The following ZFHX3 variants were observed in gnomAD, a reference collection of about 807,000 sequenced individuals.
ZFHX3 encodes the protein zinc finger homeobox 3, also known as zinc finger homeobox protein 3.
Under a neutral mutation model 279.1 loss-of-function variants are expected in ZFHX3, and 42 were observed. That is an observed-to-expected ratio of 0.15 (90% CI 0.12 to 0.19). The LOEUF (loss-of-function observed/expected upper bound fraction) is 0.19. Among genes scored for constraint, ZFHX3 ranks in the 10% least tolerant of loss-of-function variants. The pLI, the probability that ZFHX3 is intolerant of heterozygous loss-of-function variation, is 1.00. For missense variants in ZFHX3, 4,981 were observed against 4,754.0 expected, an observed-to-expected ratio of 1.05 and a Z score of -1.40; for synonymous variants, 2,293 against 1,957.8, an observed-to-expected ratio of 1.17 and a Z score of -4.52.
At chr16:73,019,381 C>CGT (rs1242839837) in intron 1 of ZFHX3, among the ~76,000 whole-genome samples, 1 of 151,918 alleles carries the variant, frequency 6.6e-6, no homozygotes, top group Non-Finnish European at 1.5e-5. Context: ...TGTGCGTGTG[C>CGT]GTGTCTGCAC....
At chr16:72,945,670 C>T (rs1054205055) in intron 3 of ZFHX3, among the ~76,000 whole-genome samples, 1 of 151,594 alleles carries the variant, frequency 6.6e-6, no homozygotes, top group Non-Finnish European at 1.5e-5. Context: ...TTAAAACAAA[C>T]AAAAAAAATA....
At chr16:72,842,638 G>A (rs774624778) in intron 4 of ZFHX3, among the ~76,000 whole-genome samples, 1 of 152,048 alleles carries the variant, frequency 6.6e-6, no homozygotes, top group African/African-American at 2.4e-5. Flanking sequence ...GGAGGAGGTC[G>A]GAGGAAGGAG....
chr16:73,129,234 A>G (rs1966629690), intron 7 of ZFHX3, among the ~76,000 whole-genome samples: 1 of 152,032 alleles, frequency 6.6e-6, no homozygotes, highest in African/African-American at 2.4e-5. Flanking sequence ...CTAAAAATAC[A>G]AAAATTAGCC....
At chr16:73,550,429 C>A (rs796409660) in intron 2 of ZFHX3, among the ~76,000 whole-genome samples, 6 of 152,300 alleles carry the variant, frequency 3.9e-5, no homozygotes, top group African/African-American at 1.4e-4. Context: ...CAGTGTGAGG[C>A]TGGCCTTTGG....
At chr16:73,273,880 C>A (rs189778275) in intron 4 of ZFHX3, among the ~76,000 whole-genome samples, 1 of 152,182 alleles carries the variant, frequency 6.6e-6, no homozygotes, top group African/African-American at 2.4e-5. Context: ...CGGTGGCTCA[C>A]GCCTGTAATC....
At chr16:73,039,914 T>C (rs1304204004) in intron 1 of ZFHX3, among the ~76,000 whole-genome samples, 1 of 151,976 alleles carries the variant, frequency 6.6e-6, no homozygotes, top group African/African-American at 2.4e-5. Flanking sequence ...AGCTCGGAAC[T>C]GGTCATAAGT....
intron 3 of ZFHX3, among the ~76,000 whole-genome samples, chr16:72,910,959 C>T (rs796096806): frequency 1.3e-4 from 20 of 152,254 alleles, no homozygotes; most frequent in African/African-American, 4.1e-4. Flanking sequence ...TCCCTGGGTC[C>T]GAATGTGAAA....
intron 7 of ZFHX3, among the ~76,000 whole-genome samples, chr16:73,121,567 T>C (rs1966499411): frequency 6.6e-6 from 1 of 152,100 alleles, no homozygotes. Flanking sequence ...TCTTTCATGA[T>C]ATGTTCTTAC....
At chr16:72,984,679 A>G (rs191223549) in intron 1 of ZFHX3, among the ~76,000 whole-genome samples, 21 of 151,976 alleles carry the variant, frequency 1.4e-4, no homozygotes, top group Admixed American at 5.9e-4. Context: ...TTAGAGGTCA[A>G]TGTTATAGGT....
At chr16:73,810,572 A>G (rs892437951) in intron 1 of ZFHX3, among the ~76,000 whole-genome samples, 2 of 152,208 alleles carry the variant, frequency 1.3e-5, no homozygotes, top group African/African-American at 4.8e-5. Context: ...AAGCGCTTTC[A>G]CACATTCATT....
At chr16:73,365,687 C>T (rs2016516937) in intron 3 of ZFHX3, among the ~76,000 whole-genome samples, 1 of 152,192 alleles carries the variant, frequency 6.6e-6, no homozygotes, top group African/African-American at 2.4e-5. Context: ...GATCCTTAAA[C>T]GTGGGCACAG....
intron 2 of ZFHX3, among the ~76,000 whole-genome samples, chr16:73,673,827 C>CT (rs2052927445): frequency 6.6e-6 from 1 of 152,062 alleles, no homozygotes; most frequent in Non-Finnish European, 1.5e-5. Context: ...GGCAGTGAAG[C>CT]TCCATGAAAA....
intron 4 of ZFHX3, among the ~76,000 whole-genome samples, 166 bp downstream of exon 4, chr16:72,889,565 C>T (rs1026743350): frequency 2.0e-5 from 3 of 151,844 alleles, no homozygotes; most frequent in Non-Finnish European, 4.4e-5. Context: ...AGGCAACAAT[C>T]CCTGCATGTT....
chr16:72,836,896 C>G (rs1026780373), intron 4 of ZFHX3, among the ~76,000 whole-genome samples: 5 of 152,134 alleles, frequency 3.3e-5, no homozygotes, highest in Non-Finnish European at 7.3e-5. Flanking sequence ...GGCAGGGGCT[C>G]TACAGCTGGA....
chr16:73,424,595 T>TTGGTGAGGCA (rs1013155761), intron 3 of ZFHX3, among the ~76,000 whole-genome samples: 1 of 150,834 alleles, frequency 6.6e-6, no homozygotes, highest in African/African-American at 2.4e-5. Flanking sequence ...AAATGAAAAA[T>TTGGTGAGGCA]TGGTGAGGCA....
intron 3 of ZFHX3, among the ~76,000 whole-genome samples, chr16:72,891,960 A>G (rs2038784064): frequency 1.3e-5 from 2 of 152,194 alleles, no homozygotes; most frequent in South Asian, 4.1e-4. Context: ...ATCCTTGTCC[A>G]GCTTAGAATG....
intron 5 of ZFHX3, among the ~76,000 whole-genome samples, chr16:72,823,286 G>C (rs1189308982): frequency 6.6e-6 from 1 of 152,196 alleles, no homozygotes; most frequent in Non-Finnish European, 1.5e-5. Context: ...ATTTACTTTT[G>C]GGTGAGGTGG....
intron 2 of ZFHX3, among the ~76,000 whole-genome samples, chr16:73,475,519 CT>C (rs1567495099): frequency 6.6e-6 from 1 of 151,858 alleles, no homozygotes; most frequent in African/African-American, 2.4e-5. Flanking sequence ...ATTTTTTAAT[CT>C]TTTTTTCATA....
intron 4 of ZFHX3, among the ~76,000 whole-genome samples, chr16:72,857,120 G>A (rs2037771684): frequency 6.6e-6 from 1 of 152,276 alleles, no homozygotes; most frequent in Middle Eastern, 3.4e-3. Context: ...AAATGATAAA[G>A]AATCCAAGAT....
Sources: allele counts gnomAD v4.1 joint callset (sites outside exome capture counted in the v4.1 genomes callset), GRCh38; gene constraint gnomAD v4.1.1; transcripts MANE v1.5; gene names NCBI Gene and HGNC (gene_info 2026-07-23, HGNC 2026-07-21).